Variants in ARHGAP29 observed in about 807,000 individuals in gnomAD.
ARHGAP29 encodes Rho GTPase activating protein 29.
A neutral mutation model predicts 122.6 loss-of-function variants in ARHGAP29; 43 were observed. That is an observed-to-expected ratio of 0.35 (90% CI 0.27 to 0.45). The LOEUF is 0.45. Among genes scored for constraint, ARHGAP29 ranks in the 20% least tolerant of loss-of-function variants. The pLI, the probability that ARHGAP29 is intolerant of heterozygous loss-of-function variation, is 1.00. For missense variants in ARHGAP29, 1,303 were observed against 1,477.2 expected, an observed-to-expected ratio of 0.88 and a Z score of 1.93; for synonymous variants, 506 against 497.1, an observed-to-expected ratio of 1.02 and a Z score of -0.24.
At chr1:94,273,366 G>A (rs960295734) in intron 1 of ARHGAP29, among the ~76,000 whole-genome samples, 2 of 152,200 alleles carry the variant, frequency 1.3e-5, no homozygotes, top group African/African-American at 4.8e-5. Context: ...AACAAAAGTG[G>A]TCAGTAAGCT....
chr1:94,220,305 G>C lies in ARHGAP29; in HGVS notation c.293C>G (p.Ser98Cys), dbSNP rs1652217092. The change falls in exon 3 of 23, where the codon TCT (serine) becomes TGT (cysteine). Residue 98 changes from serine to cysteine, a missense_variant. Physicochemically the swap from Ser to Cys is moderately radical, Grantham distance 112 (BLOSUM62 -1). This residue lies in a region of ARHGAP29 where 592 missense variants were observed against 648.2 expected (regional missense o/e 0.91). Transcript: ENST00000260526. ...TTCTGCAGCATTTTGAAGATCAACA[G>C]AATTGAGGTTCTGATGTTTATTCAT... is the stretch of plus-strand genomic sequence containing the variant. ...SIMNKHQNLNSVDLQNAAEML... is the reference protein window; with the variant it reads ...SIMNKHQNLNCVDLQNAAEML... 1 of 1,613,536 alleles carries C rather than the reference G, an allele frequency of 6.2e-7. No individual in the cohort carries two copies. Among genetic ancestry groups the C allele is most frequent in the Non-Finnish European group, 8.5e-7 (1 of 1,179,714 alleles).
the ARHGAP29 span, among the ~76,000 whole-genome samples, chr1:94,312,957 C>T: frequency 6.6e-6 from 1 of 152,190 alleles, no homozygotes; most frequent in Non-Finnish European, 1.5e-5. Context: ...CAGCTATGTG[C>T]TAAGTCATAA....
At chr1:94,297,366 C>T in the ARHGAP29 span, among the ~76,000 whole-genome samples, 173 of 152,218 alleles carry the variant, frequency 1.1e-3, no homozygotes, top group African/African-American at 4.0e-3. Context: ...GGCTAATGAG[C>T]GTTAAAAAGC....
chr1:94,241,734 TTA>T (rs1309508488), upstream of ARHGAP29, among the ~76,000 whole-genome samples: 66 of 135,220 alleles, frequency 4.9e-4, no homozygotes, highest in African/African-American at 1.1e-3. Flanking sequence ...TAATATATAT[TTA>T]TATATATATA....
At chr1:94,183,613 T>C (rs796492664) in intron 19 of ARHGAP29, among the ~76,000 whole-genome samples, 11 of 152,300 alleles carry the variant, frequency 7.2e-5, no homozygotes, top group African/African-American at 2.6e-4. Context: ...CCAGGACTCA[T>C]TCATCATCTT....
intron 1 of ARHGAP29, among the ~76,000 whole-genome samples, chr1:94,244,383 A>T (rs188369637): frequency 8.2e-4 from 125 of 152,208 alleles, no homozygotes; most frequent in African/African-American, 2.8e-3. Context: ...CCATGTGATC[A>T]TCTCAAAAGA....
Position 94,208,508 on chromosome 1 carries a change from G to A in ARHGAP29, c.510+324C>T, listed in dbSNP as rs553523583. On this transcript the variant is annotated intron_variant, in intron 5 of 22. Transcript: ENST00000260526. ...AGAGTCTCACTCTGTCACCTAGGCT[G>A]GAGTGCAGTGGTGTGATCTCGGCTC... Among the ~76,000 whole-genome samples the A allele has an allele frequency of 7.0e-4, 106 of 151,244 alleles. 1 individual carries two copies. The highest frequency in any genetic ancestry group is 2.5e-3 in the African/African-American group (103 of 41,180).
intron 1 of ARHGAP29, among the ~76,000 whole-genome samples, chr1:94,256,785 C>T (rs374402600): frequency 1.3e-5 from 2 of 151,604 alleles, no homozygotes; most frequent in African/African-American, 4.8e-5. Context: ...GTCTCGATCT[C>T]CTGACCTCGT....
At chr1:94,282,135 C>G in the ARHGAP29 span, among the ~76,000 whole-genome samples, 1 of 151,880 alleles carries the variant, frequency 6.6e-6, no homozygotes, top group Non-Finnish European at 1.5e-5. Flanking sequence ...GCCCTATCAC[C>G]CAGAATCTGA....
intron 2 of ARHGAP29, among the ~76,000 whole-genome samples, 171 bp downstream of exon 2, chr1:94,231,236 C>G (rs1349534133): frequency 2.0e-5 from 3 of 151,942 alleles, no homozygotes; most frequent in African/African-American, 7.2e-5. Context: ...ACACTATTAT[C>G]TGATTATAAA....
chr1:94,281,988 C>G, the ARHGAP29 span, among the ~76,000 whole-genome samples: 1 of 152,102 alleles, frequency 6.6e-6, no homozygotes, highest in Non-Finnish European at 1.5e-5. Flanking sequence ...AGGTTGAGCC[C>G]TTTTACCAAG....
At chr1:94,308,363 C>T in the ARHGAP29 span, among the ~76,000 whole-genome samples, 2 of 152,140 alleles carry the variant, frequency 1.3e-5, no homozygotes, top group African/African-American at 4.8e-5. Flanking sequence ...GCAATTTCCC[C>T]AAGATCTTGG....
At chr1:94,265,195 C>A (rs1407243028) in intron 1 of ARHGAP29, among the ~76,000 whole-genome samples, 2 of 152,228 alleles carry the variant, frequency 1.3e-5, no homozygotes, top group African/African-American at 4.8e-5. Flanking sequence ...CTGGCTTCAG[C>A]ATCCTGACTT....
chr1:94,215,507 A>AATAGAT lies in ARHGAP29; in HGVS notation c.340+4745_340+4750dup, dbSNP rs1651907403. On this transcript the variant is annotated intron_variant, in intron 3 of 22. Transcript: ENST00000260526. ...CAGTGGAACAGAATTAAGGTCCATA[A>AATAGAT]ATAGATATATGTGAGAATGTAGTGT... Among the ~76,000 whole-genome samples the AATAGAT allele has an allele frequency of 2.0e-5, 3 of 152,240 alleles. No homozygotes were observed. In the East Asian group the frequency reaches 5.8e-4, roughly 29 times the overall value.
In ARHGAP29 at chr1:94,174,399, C is replaced by T; in HGVS notation, c.3256G>A (p.Glu1086Lys). 1 of 1,614,148 alleles carries T rather than the reference C, an allele frequency of 6.2e-7. No homozygotes were observed. The highest frequency in any genetic ancestry group is 8.5e-7 in the Non-Finnish European group (1 of 1,180,026). The change falls in exon 23 of 23, where the codon GAA becomes AAA. Residue 1086 changes from glutamate (E) to lysine (K), a missense_variant. Transcript: ENST00000260526. ...TLQKIQDKQY[E>K]QNSLTAKTTM... ...GTCTTGGCAGTTAGGCTGTTTTGTT[C>T]ATACTGTTTGTCCTGAATTTTCTGT...
intron 5 of ARHGAP29, among the ~76,000 whole-genome samples, chr1:94,208,157 G>T (rs1316163024): frequency 6.6e-6 from 1 of 152,040 alleles, no homozygotes; most frequent in Admixed American, 6.6e-5. Flanking sequence ...TAGGAACAGG[G>T]TCTCAATCAT....
chr1:94,200,943 T>C (rs1375930079), intron 12 of ARHGAP29, among the ~76,000 whole-genome samples: 1 of 152,200 alleles, frequency 6.6e-6, no homozygotes, highest in Admixed American at 6.5e-5. Context: ...AGCATTGTTC[T>C]GAATCCTGAT....
At chr1:94,249,773 AT>A (rs890790457) in intron 1 of ARHGAP29, among the ~76,000 whole-genome samples, 1 of 152,050 alleles carries the variant, frequency 6.6e-6, no homozygotes, top group African/African-American at 2.4e-5. Flanking sequence ...AAGAAAGAAA[AT>A]TAGTCATCCT....
the ARHGAP29 span, among the ~76,000 whole-genome samples, chr1:94,308,550 C>G: frequency 6.6e-6 from 1 of 152,180 alleles, no homozygotes; most frequent in Non-Finnish European, 1.5e-5. Context: ...GGCACATAAT[C>G]CCTGCTAAAA....
Sources: allele counts gnomAD v4.1 joint callset (sites outside exome capture counted in the v4.1 genomes callset), GRCh38; gene constraint gnomAD v4.1.1; regional missense constraint gnomAD v4.1.1; transcripts MANE v1.5; gene names NCBI Gene and HGNC (gene_info 2026-07-23, HGNC 2026-07-21).